Variants in SLC25A25 observed in about 807,000 individuals in gnomAD.
SLC25A25 encodes mitochondrial adenyl nucleotide antiporter SLC25A25.
SLC25A25 carries 32 observed loss-of-function variants against 57.7 expected under a neutral mutation model. That is an observed-to-expected ratio of 0.55 (90% CI 0.42 to 0.74). The LOEUF (loss-of-function observed/expected upper bound fraction) is 0.74. Among genes scored for constraint, SLC25A25 ranks in the 30% least tolerant of loss-of-function variants. The probability of loss-of-function intolerance (pLI) is 0.00; values close to 1 mark genes in which losing one functional copy is unlikely to be tolerated. For missense variants in SLC25A25, 556 were observed against 701.3 expected (o/e 0.79, Z 2.34); for synonymous variants, 306 against 291.2 (o/e 1.05, Z -0.52).
chr9:128,094,664 T>G (rs889484273), intron 1 of SLC25A25, among the ~76,000 whole-genome samples: 4 of 152,176 alleles, frequency 2.6e-5, no homozygotes, highest in Non-Finnish European at 5.9e-5. Context: ...CTTTCTGACC[T>G]AATGCTACAC....
intron 1 of SLC25A25, among the ~76,000 whole-genome samples, chr9:128,075,706 T>A (rs1488811154): frequency 6.6e-6 from 1 of 151,720 alleles, no homozygotes; most frequent in African/African-American, 2.4e-5. Context: ...TAGCCAGGCG[T>A]TGTGGTGTGC....
At chr9:128,074,446 T>C (rs2096923785) in intron 1 of SLC25A25, among the ~76,000 whole-genome samples, 1 of 151,858 alleles carries the variant, frequency 6.6e-6, no homozygotes, top group African/African-American at 2.4e-5. Context: ...TGGTGGCTCA[T>C]GCCTGTAATC....
intron 1 of SLC25A25, chr9:128,098,468 G>A: frequency 2.0e-6 from 3 of 1,495,350 alleles, no homozygotes; most frequent in Non-Finnish European, 2.7e-6. Context: ...AATGACAGCT[G>A]AGGCCAGGCT....
rs370519835 is a variant in SLC25A25, at chr9:128,081,686, T to C, written c.261+13106T>C. Among the ~76,000 whole-genome samples, 44 of 152,200 alleles carry C rather than the reference T, an allele frequency of 2.9e-4. No homozygotes were observed. The East Asian group carries it at 6.4e-3, about 22-fold the overall frequency. ...GCTCATGCCTGTACTCCCAGCACTT[T>C]GGGAGGCTGAGGTGGGAGGATTGCT... On this transcript the variant is annotated intron_variant, in intron 1 of 10. Transcript: ENST00000373069.
intron 1 of SLC25A25, among the ~76,000 whole-genome samples, chr9:128,096,632 G>A (rs757640906): frequency 6.6e-6 from 1 of 152,192 alleles, no homozygotes; most frequent in Non-Finnish European, 1.5e-5. Flanking sequence ...TGTTTCTTGG[G>A]GTCTTAGAGC....
rs1178424164 is a variant in SLC25A25 at position 128,099,237 on chromosome 9, T to C, written c.262-1859T>C. 2 of 1,288,922 alleles carry C rather than the reference T, an allele frequency of 1.6e-6. No homozygotes were observed. The highest frequency in any genetic ancestry group is 1.0e-6 in the Non-Finnish European group (1 of 988,478). 79.8% of individuals were successfully genotyped at this position (1,288,922 alleles called of 1,614,324 possible). A position where few individuals can be genotyped will look rare whatever the true frequency, so the allele number is the denominator to read the frequency against. The stretch of plus-strand genomic sequence containing the variant: ...CAGAGTCCGGAGGCCCCTTGCCACC[T>C]CGGCTTCTCGGTTAATCAGTTTCCC... On this transcript the variant is annotated intron_variant, in intron 1 of 10. Coordinates refer to ENST00000373069, the MANE Select transcript of SLC25A25 (RefSeq NM_001330988.2). The surrounding 1 kb of genome is among the most constrained non-coding windows in gnomAD (Gnocchi z 6.8).
chr9:128,105,758 C>T lies in SLC25A25; in HGVS notation c.813C>T (p.Gly271=). Residue 271 remains glycine, a synonymous_variant, in exon 7 of 11, where the codon GGC becomes GGT. Transcript: ENST00000373069. ...QVHASRSNNM[G]IVGGFTQMIR... ...ATGCCTCCCGCAGCAACAACATGGG[C>T]ATCGTTGGTGGCTTCACTCAGATGA... The T allele has an allele frequency of 6.2e-7, 1 of 1,613,740 alleles. No individual in the cohort carries two copies. The highest frequency in any genetic ancestry group is 8.5e-7 in the Non-Finnish European group (1 of 1,180,038).
intron 1 of SLC25A25, among the ~76,000 whole-genome samples, chr9:128,079,603 C>CAAA (rs531439672): frequency 3.3e-4 from 16 of 48,054 alleles, no homozygotes; most frequent in African/African-American, 8.4e-4. Flanking sequence ...ACTAAAAATA[C>CAAA]AAAAAAAAAA....
At chr9:128,098,822 A>C in intron 1 of SLC25A25, 3 of 1,532,256 alleles carry the variant, frequency 2.0e-6, no homozygotes, top group Non-Finnish European at 2.6e-6. Context: ...ACTGAGAGGA[A>C]AGAATGTCTG....
rs2130777170 is a variant in SLC25A25 at position 128,068,445 on chromosome 9, G to A, written c.126G>A (p.Gly42=). The change falls in exon 1 of 11, where the codon GGG becomes GGA. Residue 42 remains glycine (G), a synonymous_variant. Transcript: ENST00000373069. ...VGDPCGGAIC[G]GPDHRLRLWR... ...ACCCCTGCGGCGGCGCTATCTGCGG[G>A]GGCCCGGACCACCGGCTGCGCCTGT... 1 of 1,556,430 alleles carries A rather than the reference G, an allele frequency of 6.4e-7. No individual in the cohort carries two copies. The highest frequency in any genetic ancestry group is 8.6e-7 in the Non-Finnish European group (1 of 1,162,146).
intron 1 of SLC25A25, chr9:128,094,580 C>G (rs1249630597): frequency 6.6e-6 from 1 of 152,322 alleles, no homozygotes; most frequent in East Asian, 1.9e-4. Context: ...GCTTGAGCGG[C>G]TGGATGCTGG....
chr9:128,076,893 C>T (rs1291639575), intron 1 of SLC25A25, among the ~76,000 whole-genome samples: 1 of 152,168 alleles, frequency 6.6e-6, no homozygotes, highest in Non-Finnish European at 1.5e-5. Flanking sequence ...TGGAGATAAG[C>T]TCTCCGGAAG....
Position 128,101,946 on chromosome 9 carries a change from G to C in SLC25A25, c.477-134G>C. The C allele has an allele frequency of 9.7e-7, 1 of 1,031,080 alleles. No individual in the cohort carries two copies. Among genetic ancestry groups the C allele is most frequent in the Non-Finnish European group, 1.5e-6 (1 of 685,626 alleles). 63.9% of individuals were successfully genotyped at this position (1,031,080 alleles called of 1,614,324 possible). On this transcript the variant is annotated intron_variant, in intron 3 of 10. Coordinates refer to ENST00000373069, the MANE Select transcript of SLC25A25 (RefSeq NM_001330988.2). This position sits in a 1 kb window ranked among gnomAD's most constrained non-coding sequence, Gnocchi z 4.9. ...CTCGGGGACAGCAGCCCTGGGCTCA[G>C]CTGCTGTGGCGGGCTCGTCTCGTGC...
rs746278925 is a variant in SLC25A25, at chr9:128,106,264, G to A, written c.1044+7G>A. ...CAGCATCTACCCAATGGAGGTGAGG[G>A]GCCGCCTGGGTCCTGGGGCGGGCAG... On this transcript the variant is annotated splice_region_variant and intron_variant, in intron 8 of 10. Transcript: ENST00000373069. The A allele has an allele frequency of 1.2e-5, 20 of 1,614,004 alleles. No homozygotes were observed. The Admixed American group carries it at 2.5e-4, about 20-fold the overall frequency.
In SLC25A25 at chr9:128,099,427, C is replaced by T. The variant is rs1833697465; in HGVS notation, c.262-1669C>T. 8.8e-7 allele frequency: 1 copy of T among 1,142,336 alleles called. No individual in the cohort carries two copies. Among genetic ancestry groups the T allele is most frequent in the Non-Finnish European group, 1.1e-6 (1 of 916,624 alleles). 70.8% of individuals were successfully genotyped at this position (1,142,336 alleles called of 1,614,324 possible). On this transcript the variant is annotated intron_variant, in intron 1 of 10. Coordinates refer to ENST00000373069, the MANE Select transcript of SLC25A25 (RefSeq NM_001330988.2). This position sits in a 1 kb window ranked among gnomAD's most constrained non-coding sequence, Gnocchi z 6.8. ...CTCTGGGTGTCTGCGACAGCACCCA[C>T]CCCAGGGAGGCATGTGGCTCACCCT...
intron 1 of SLC25A25, among the ~76,000 whole-genome samples, chr9:128,075,342 C>G (rs1238183168): frequency 6.6e-6 from 1 of 151,874 alleles, no homozygotes; most frequent in Non-Finnish European, 1.5e-5. Context: ...AGAGCACGAG[C>G]CTGTCTGATC....
chr9:128,092,095 G>A (rs542198698), intron 1 of SLC25A25: 28 of 1,612,166 alleles, frequency 1.7e-5, no homozygotes, highest in Non-Finnish European at 2.4e-5. Context: ...CTAAGGTAAT[G>A]TTGGCCTCAA....
At position 128,099,089 on chromosome 9, in the gene SLC25A25, G is replaced by T. The variant is rs181978816; in HGVS notation, c.262-2007G>T. The T allele has an allele frequency of 1.0e-6, 1 of 985,436 alleles. No individual in the cohort carries two copies. Among genetic ancestry groups the T allele is most frequent in the Admixed American group, 6.1e-5 (1 of 16,286 alleles). The allele number at this position is 985,436 out of a possible 1,614,324, so 61.0% of individuals were successfully genotyped here. On this transcript the variant is annotated intron_variant, in intron 1 of 10. Coordinates refer to ENST00000373069, the MANE Select transcript of SLC25A25 (RefSeq NM_001330988.2). The surrounding 1 kb of genome is among the most constrained non-coding windows in gnomAD (Gnocchi z 6.8). Reference sequence around the variant, plus strand: ...AGGCAGGGAGGCCCAGGAGTTGAGGGTGCTGCGTGGTGGAGCTGCCCGTCC... The same window carrying T: ...AGGCAGGGAGGCCCAGGAGTTGAGGTTGCTGCGTGGTGGAGCTGCCCGTCC...
chr9:128,097,761 G>A (rs1449086922), intron 1 of SLC25A25, among the ~76,000 whole-genome samples: 3 of 152,202 alleles, frequency 2.0e-5, no homozygotes, highest in Non-Finnish European at 4.4e-5. Context: ...TTGGCATGGT[G>A]TCCTCTTACC....
Sources: gnomAD v4.1 joint callset for allele counts (sites outside exome capture counted in the v4.1 genomes callset) on GRCh38, gnomAD v4.1.1 for gene constraint, Gnocchi (gnomAD v3.1) non-coding constraint, MANE v1.5 for transcripts, NCBI Gene and HGNC (gene_info 2026-07-23, HGNC 2026-07-21) for gene names.